Variants in TSR1 observed in about 807,000 individuals in gnomAD.
TSR1 encodes the protein TSR1 ribosome maturation factor, also known as pre-rRNA-processing protein TSR1 homolog.
A neutral mutation model predicts 90.9 loss-of-function variants in TSR1; 81 were observed. The observed-to-expected ratio is 0.89, with a 90% CI of 0.74 to 1.07. TSR1 has a LOEUF of 1.07. Among genes scored for constraint, TSR1 ranks in the 50% least tolerant of loss-of-function variants. The probability of loss-of-function intolerance (pLI) is 0.00; values close to 1 mark genes in which losing one functional copy is unlikely to be tolerated. For missense variants in TSR1, 989 were observed against 987.3 expected (o/e 1.00, Z -0.02); for synonymous variants, 362 against 348.8 (o/e 1.04, Z -0.42).
At chr17:2,332,831 C>T (rs927786471) in intron 7 of TSR1, 130 bp downstream of exon 7, 33 of 896,204 alleles carry the variant, frequency 3.7e-5, no homozygotes, top group African/African-American at 1.2e-4. Context: ...AGCAAGACTC[C>T]GTCTCATAAA....
Position 2,324,123 on chromosome 17 carries a change from C to T in TSR1, c.*73G>A, listed in dbSNP as rs2075558233. ...AGGCTGACATAGAAAATAAACTTTG[C>T]CCAATCACAACTTGTGCCTCCCATC... is the stretch of plus-strand genomic sequence containing the variant. On this transcript the variant is annotated 3_prime_UTR_variant, in exon 15 of 15. Coordinates refer to ENST00000301364, the MANE Select transcript of TSR1 (RefSeq NM_018128.5). The T allele has an allele frequency of 4.0e-6, 6 of 1,496,134 alleles. No homozygotes were observed. The highest frequency in any genetic ancestry group is 2.5e-4 in the Middle Eastern group (1 of 4,074). 92.7% of individuals were successfully genotyped at this position (1,496,134 alleles called of 1,614,324 possible).
intron 10 of TSR1, 84 bp downstream of exon 10, chr17:2,330,431 G>T: frequency 7.7e-7 from 1 of 1,294,788 alleles, no homozygotes; most frequent in Non-Finnish European, 1.1e-6. Flanking sequence ...CAAAATTTTA[G>T]TCACACATAA....
Position 2,323,914 on chromosome 17 carries a change from T to C in TSR1, c.*282A>G, listed in dbSNP as rs1185685754. ...ATGGTGGGAATTCAGTGTCTTTAGA[T>C]ACTGAAGACATTTTGTTTCCTAGTA... On this transcript the variant is annotated 3_prime_UTR_variant, in exon 15 of 15. Coordinates refer to ENST00000301364, the MANE Select transcript of TSR1 (RefSeq NM_018128.5). 5 of 1,523,806 alleles carry C rather than the reference T, an allele frequency of 3.3e-6. No homozygotes were observed. Among genetic ancestry groups the C allele is most frequent in the Non-Finnish European group, 4.5e-6 (5 of 1,102,338 alleles). The allele number at this position is 1,523,806 out of a possible 1,614,324, so 94.4% of individuals were successfully genotyped here.
rs761657041 is a variant in TSR1, at chr17:2,323,630, T to C, written c.*566A>G. On this transcript the variant is annotated 3_prime_UTR_variant, in exon 15 of 15. Coordinates refer to ENST00000301364, the MANE Select transcript of TSR1 (RefSeq NM_018128.5). Reference sequence around the variant, plus strand: ...ACCAACTAGACTCCCCTTTCACTAATTCCTACTCCCTTCCATATCAACAGT... The same window carrying C: ...ACCAACTAGACTCCCCTTTCACTAACTCCTACTCCCTTCCATATCAACAGT... The C allele has an allele frequency of 1.4e-5, 22 of 1,611,368 alleles. No homozygotes were observed. The highest frequency in any genetic ancestry group is 1.8e-5 in the Non-Finnish European group (21 of 1,177,804).
At chr17:2,333,748 T>G (rs2064024629) in intron 5 of TSR1, 32 bp from the exon 6 acceptor site, 1 of 1,612,700 alleles carries the variant, frequency 6.2e-7, no homozygotes, top group Non-Finnish European at 8.5e-7. Flanking sequence ...TAGTCAACCA[T>G]GAACCAAAAA....
At chr17:2,325,802 C>A (rs971038354) in intron 11 of TSR1, among the ~76,000 whole-genome samples, 2 of 151,818 alleles carry the variant, frequency 1.3e-5, no homozygotes, top group African/African-American at 2.4e-5. Context: ...TAGTAGAGAC[C>A]GGGTTTCACC....
At chr17:2,330,894 G>T in intron 9 of TSR1, 53 bp downstream of exon 9, 1 of 1,522,092 alleles carries the variant, frequency 6.6e-7, no homozygotes, top group South Asian at 1.3e-5. Context: ...ATAAAGTAGG[G>T]AGCATGTTGA....
Position 2,323,984 on chromosome 17 carries a change from T to G in TSR1, c.*212A>C. 1.7e-6 allele frequency: 2 copies of G among 1,162,622 alleles called. No individual in the cohort carries two copies. The highest frequency in any genetic ancestry group is 1.6e-5 in the South Asian group (1 of 64,414). 72.0% of individuals were successfully genotyped at this position (1,162,622 alleles called of 1,614,324 possible). A position where few individuals can be genotyped will look rare whatever the true frequency, so the allele number is the denominator to read the frequency against. On this transcript the variant is annotated 3_prime_UTR_variant, in exon 15 of 15. Transcript: ENST00000301364. ...AGATTCTTAATGGAGAGTGGCTATT[T>G]CATTAAGATTTAATAGTTTTTTTTG...
chr17:2,332,142 G>A (rs777942870), intron 8 of TSR1, 27 bp downstream of exon 8: 3 of 1,598,118 alleles, frequency 1.9e-6, no homozygotes, highest in Non-Finnish European at 2.6e-6. Context: ...ACTGAATTTA[G>A]ATTTGTTGAT....
At chr17:2,328,715 G>A (rs1256805369) in intron 11 of TSR1, among the ~76,000 whole-genome samples, 1 of 151,224 alleles carries the variant, frequency 6.6e-6, no homozygotes. Flanking sequence ...AGGAGATAGA[G>A]ACCATCCTGG....
rs1279972179 is a variant in TSR1 at position 2,334,657 on chromosome 17, T to A, written c.796A>T (p.Asn266Tyr). 6.2e-7 allele frequency: 1 copy of A among 1,613,688 alleles called. No homozygotes were observed. The change falls in exon 5 of 15, where the codon AAT (asparagine) becomes TAT (tyrosine). Residue 266 changes from asparagine to tyrosine, a missense_variant. Physicochemically the swap from Asn to Tyr is moderately radical, Grantham distance 143. Coordinates refer to ENST00000301364, the MANE Select transcript of TSR1 (RefSeq NM_018128.5). Reference sequence around the variant, plus strand: ...ATTTTCAAGGTGCCCACCAAGTTATTCTCTTCACTAGGAACAAAATCAACA... The same window carrying A: ...ATTTTCAAGGTGCCCACCAAGTTATACTCTTCACTAGGAACAAAATCAACA... Reference protein sequence around the residue: ...HAVDFVPSEENNLVGTLKISG... With the variant: ...HAVDFVPSEEYNLVGTLKISG...
Position 2,323,259 on chromosome 17 carries a change from G to A in TSR1, c.*937C>T. The A allele has an allele frequency of 1.9e-6, 3 of 1,614,196 alleles. No homozygotes were observed. The highest frequency in any genetic ancestry group is 1.7e-6 in the Non-Finnish European group (2 of 1,180,026). On this transcript the variant is annotated 3_prime_UTR_variant, in exon 15 of 15. Coordinates refer to ENST00000301364, the MANE Select transcript of TSR1 (RefSeq NM_018128.5). ...TCCTCCAGAAACCATAGCAGATGGTGTCAAATCCAGCATTGGCTTGAACAC... is the reference window on the plus strand; with the variant it reads ...TCCTCCAGAAACCATAGCAGATGGTATCAAATCCAGCATTGGCTTGAACAC...
Position 2,323,620 on chromosome 17 carries a change from C to T in TSR1, c.*576G>A. Reference sequence around the variant, plus strand: ...TTATAGGTAAACCAACTAGACTCCCCTTTCACTAATTCCTACTCCCTTCCA... The same window carrying T: ...TTATAGGTAAACCAACTAGACTCCCTTTTCACTAATTCCTACTCCCTTCCA... On this transcript the variant is annotated 3_prime_UTR_variant, in exon 15 of 15. Transcript: ENST00000301364. The T allele has an allele frequency of 6.2e-7, 1 of 1,605,628 alleles. No homozygotes were observed. Among genetic ancestry groups the T allele is most frequent in the Non-Finnish European group, 8.5e-7 (1 of 1,172,862 alleles).
Position 2,323,571 on chromosome 17 carries a change from TG to T in TSR1, c.*624del. On this transcript the variant is annotated 3_prime_UTR_variant, in exon 15 of 15. Coordinates refer to ENST00000301364, the MANE Select transcript of TSR1 (RefSeq NM_018128.5). ...TACACAGTGATAAGAAAATTCAAACTGGACACGTATTCTCATCTGAACTTTA... is the reference window on the plus strand; with the variant it reads ...TACACAGTGATAAGAAAATTCAAACTGACACGTATTCTCATCTGAACTTTA... 7.1e-7 allele frequency: 1 copy of T among 1,412,330 alleles called. No individual in the cohort carries two copies. The highest frequency in any genetic ancestry group is 9.9e-7 in the Non-Finnish European group (1 of 1,008,346). 87.5% of individuals were successfully genotyped at this position (1,412,330 alleles called of 1,614,324 possible).
chr17:2,335,527 G>A lies in TSR1; in HGVS notation c.405C>T (p.Phe135=), dbSNP rs764554353. ...LCPRLKHRWF[F]TSARPGDLHV... is the part of the protein sequence containing the mutation. ...TACTCTAACCTGGCCTTGCTGAGGT[G>A]AAAAACCACCGATGTTTCAAGCGGG... Residue 135 remains phenylalanine, a synonymous_variant, in exon 3 of 15, where the codon TTC becomes TTT. Transcript: ENST00000301364. The A allele has an allele frequency of 1.1e-4, 171 of 1,613,824 alleles. No individual in the cohort carries two copies. The highest frequency in any genetic ancestry group is 6.4e-5 in the Non-Finnish European group (75 of 1,180,010).
chr17:2,322,848 T>A lies in TSR1; in HGVS notation c.*1348A>T. The A allele has an allele frequency of 2.6e-6, 1 of 385,466 alleles. No individual in the cohort carries two copies. Among genetic ancestry groups the A allele is most frequent in the East Asian group, 6.1e-5 (1 of 16,322 alleles). 23.9% of individuals were successfully genotyped at this position (385,466 alleles called of 1,614,324 possible). On this transcript the variant is annotated 3_prime_UTR_variant, in exon 15 of 15. Transcript: ENST00000301364. ...GGTGTGATCTCAGCTCACTGCAACC[T>A]ACCCCTCCCAAGTTCAAGTGATTCT...
At chr17:2,324,451 T>C (rs550241732) in intron 14 of TSR1, 53 bp downstream of exon 14, 3 of 1,613,084 alleles carry the variant, frequency 1.9e-6, no homozygotes, top group African/African-American at 2.7e-5. Context: ...CCAACAGTCA[T>C]TTAGCAACAC....
At chr17:2,331,567 T>C (rs908003309) in intron 8 of TSR1, among the ~76,000 whole-genome samples, 2 of 152,022 alleles carry the variant, frequency 1.3e-5, no homozygotes, top group African/African-American at 4.8e-5. Flanking sequence ...CATGACTTGC[T>C]CCCCCTCCAC....
chr17:2,330,642 G>C lies in TSR1; in HGVS notation c.1660-17C>G. On this transcript the variant is annotated splice_polypyrimidine_tract_variant and intron_variant, in intron 9 of 14. Coordinates refer to ENST00000301364, the MANE Select transcript of TSR1 (RefSeq NM_018128.5). ...CCAGCCAACCTGCCACAAGAAAGCA[G>C]AAAGCAATCATGGAGTTACCTTTCA... 1 of 1,610,592 alleles carries C rather than the reference G, an allele frequency of 6.2e-7. No individual in the cohort carries two copies. The highest frequency in any genetic ancestry group is 8.5e-7 in the Non-Finnish European group (1 of 1,177,348).
Sources: gnomAD v4.1 joint callset for allele counts (sites outside exome capture counted in the v4.1 genomes callset) on GRCh38, gnomAD v4.1.1 for gene constraint, MANE v1.5 for transcripts, NCBI Gene and HGNC (gene_info 2026-07-23, HGNC 2026-07-21) for gene names.